The following EFR3B variants were observed in gnomAD, a reference collection of about 807,000 sequenced individuals.
EFR3B encodes the protein protein EFR3 homolog B.
In EFR3B, 64 loss-of-function variants were observed where a neutral mutation model predicts 104.7. The observed-to-expected ratio is 0.61, with a 90% CI of 0.50 to 0.75. The LOEUF is 0.75. Among genes scored for constraint, EFR3B ranks in the 30% least tolerant of loss-of-function variants. The pLI is 0.00. For missense variants in EFR3B, 750 were observed against 1,078.5 expected, an observed-to-expected ratio of 0.70 and a Z score of 4.27; for synonymous variants, 385 against 417.9, an observed-to-expected ratio of 0.92 and a Z score of 0.96.
rs1414355344 is a variant in EFR3B at position 25,143,753 on chromosome 2, T to C, written c.1941T>C (p.Asp647=). ...CTTCCAGGCTGTCTCAGAATCTTGA[T>C]GGGGTGGTCATTGAGCTCCTCTTCC... ...VERPRLSQNL[D]GVVIELLFRQ... The change falls in exon 18 of 23, where the codon GAT becomes GAC. Residue 647 remains aspartate (D), a synonymous_variant. Coordinates refer to ENST00000403714, the MANE Select transcript of EFR3B (RefSeq NM_014971.2). 2.1e-5 allele frequency: 32 copies of C among 1,551,338 alleles called. No homozygotes were observed. The highest frequency in any genetic ancestry group is 2.4e-5 in the Non-Finnish European group (28 of 1,146,948).
At chr2:25,125,972 C>T (rs1021816416) in intron 5 of EFR3B, among the ~76,000 whole-genome samples, 1 of 152,144 alleles carries the variant, frequency 6.6e-6, no homozygotes, top group African/African-American at 2.4e-5. Context: ...GGCAACTCAA[C>T]CTTGAGAAAA....
chr2:25,085,926 A>G (rs943973725), intron 1 of EFR3B, among the ~76,000 whole-genome samples: 2 of 151,798 alleles, frequency 1.3e-5, no homozygotes, highest in African/African-American at 2.4e-5. Context: ...GTTTCATGGA[A>G]CACAGTTTGG....
At chr2:25,051,914 G>A (rs570103860) in intron 1 of EFR3B, among the ~76,000 whole-genome samples, 259 of 150,546 alleles carry the variant, frequency 1.7e-3, no homozygotes, top group Non-Finnish European at 2.8e-3. Context: ...TGCTGGGATT[G>A]GCTGGGTTCG....
In EFR3B at chr2:25,130,521, T is replaced by G; in HGVS notation, c.771-31T>G. 1 of 1,528,694 alleles carries G rather than the reference T, an allele frequency of 6.5e-7. No homozygotes were observed. 94.7% of individuals were successfully genotyped at this position (1,528,694 alleles called of 1,614,324 possible). ...CTCCCTAACACTGCCGGGAGTTTCA[T>G]AGTTGTTCCCCCACGTTTTCTCCCT... is the stretch of plus-strand genomic sequence containing the variant. On this transcript the variant is annotated intron_variant, in intron 7 of 22. Coordinates refer to ENST00000403714, the MANE Select transcript of EFR3B (RefSeq NM_014971.2). The surrounding 1 kb of genome is among the most constrained non-coding windows in gnomAD (Gnocchi z 4.6).
At chr2:25,141,849 A>G (rs1187096399) in intron 17 of EFR3B, among the ~76,000 whole-genome samples, 1 of 152,258 alleles carries the variant, frequency 6.6e-6, no homozygotes, top group Non-Finnish European at 1.5e-5. Context: ...GTCTAACAGT[A>G]GGGGATGGCT....
intron 3 of EFR3B, among the ~76,000 whole-genome samples, chr2:25,098,469 G>T (rs1669342756): frequency 1.3e-5 from 2 of 152,136 alleles, no homozygotes; most frequent in African/African-American, 4.8e-5. Flanking sequence ...ACCCGCCCCA[G>T]ATCAGATCTC....
chr2:25,079,751 A>T (rs1459747211), intron 1 of EFR3B: 1 of 524,352 alleles, frequency 1.9e-6, no homozygotes. Context: ...CTATAAATAG[A>T]ATTAAATGCA....
Position 25,042,347 on chromosome 2 carries a change from G to T in EFR3B, c.7+28G>T. 1 of 1,257,498 alleles carries T rather than the reference G, an allele frequency of 8.0e-7. No homozygotes were observed. The allele number at this position is 1,257,498 out of a possible 1,614,324, so 77.9% of individuals were successfully genotyped here. A position where few individuals can be genotyped will look rare whatever the true frequency, so the allele number is the denominator to read the frequency against. On this transcript the variant is annotated intron_variant, in intron 1 of 22. Transcript: ENST00000403714. The surrounding 1 kb of genome is among the most constrained non-coding windows in gnomAD (Gnocchi z 5.4). ...AAGGAGGGCTCCGCGCCCGGGCCCG[G>T]GCCCGCGGGGGCGACTCCGCAAACT... is the stretch of plus-strand genomic sequence containing the variant.
chr2:25,143,885 C>G, intron 18 of EFR3B, 23 bp downstream of exon 18: 1 of 1,547,342 alleles, frequency 6.5e-7, no homozygotes, highest in Non-Finnish European at 8.7e-7. Context: ...TGCAGGGATG[C>G]CCGGGCCTGC....
intron 1 of EFR3B, among the ~76,000 whole-genome samples, chr2:25,088,674 G>C (rs1357651092): frequency 6.6e-6 from 1 of 152,108 alleles, no homozygotes. Context: ...AGCCATGTGG[G>C]ATAGCCCTAG....
intron 16 of EFR3B, among the ~76,000 whole-genome samples, chr2:25,140,934 G>A (rs1412720204): frequency 1.3e-5 from 2 of 151,936 alleles, no homozygotes; most frequent in Non-Finnish European, 2.9e-5. Flanking sequence ...TCAGTTACTC[G>A]GGAGGCTGAG....
rs1670541430 is a variant in EFR3B at position 25,137,269 on chromosome 2, T to A, written c.1561-72T>A. 2 of 1,512,416 alleles carry A rather than the reference T, an allele frequency of 1.3e-6. No homozygotes were observed. The highest frequency in any genetic ancestry group is 4.9e-5 in the East Asian group (2 of 40,548). The allele number at this position is 1,512,416 out of a possible 1,614,324, so 93.7% of individuals were successfully genotyped here. ...ATCCTGCCCCCCTTCAGATTGGTCTTCCTCCGTGTTCTCCTTGCCCCTCCT... is the reference window on the plus strand; with the variant it reads ...ATCCTGCCCCCCTTCAGATTGGTCTACCTCCGTGTTCTCCTTGCCCCTCCT... On this transcript the variant is annotated intron_variant, in intron 14 of 22. Coordinates refer to ENST00000403714, the MANE Select transcript of EFR3B (RefSeq NM_014971.2). This position sits in a 1 kb window ranked among gnomAD's most constrained non-coding sequence, Gnocchi z 4.7.
chr2:25,121,964 GTT>G (rs143584289), intron 5 of EFR3B, among the ~76,000 whole-genome samples, 170 bp downstream of exon 5: 3 of 141,864 alleles, frequency 2.1e-5, no homozygotes, highest in Non-Finnish European at 1.5e-5. Context: ...TGTGGTTTCT[GTT>G]TTTTTTTTTT....
At chr2:25,062,559 C>T (rs1029008636) in intron 1 of EFR3B, among the ~76,000 whole-genome samples, 6 of 152,342 alleles carry the variant, frequency 3.9e-5, no homozygotes, top group Admixed American at 3.9e-4. Flanking sequence ...AGGGCCTGTG[C>T]CAGCCCGCAC....
intron 22 of EFR3B, 144 bp downstream of exon 22, chr2:25,153,905 C>A: frequency 2.3e-6 from 2 of 887,918 alleles, no homozygotes; most frequent in Non-Finnish European, 3.6e-6. Flanking sequence ...GGGCTGGAGT[C>A]AGCCACCAAC....
At chr2:25,094,643 G>C (rs539919686) in intron 3 of EFR3B, among the ~76,000 whole-genome samples, 1 of 152,278 alleles carries the variant, frequency 6.6e-6, no homozygotes, top group Non-Finnish European at 1.5e-5. Flanking sequence ...TTCTTTTCTA[G>C]AAAGAGTACA....
rs1667593657 is a variant in EFR3B at position 25,042,283 on chromosome 2, G to C, written c.-30G>C. The C allele has an allele frequency of 1.5e-6, 2 of 1,305,280 alleles. No individual in the cohort carries two copies. Among genetic ancestry groups the C allele is most frequent in the Non-Finnish European group, 1.9e-6 (2 of 1,028,348 alleles). The allele number at this position is 1,305,280 out of a possible 1,614,324, so 80.9% of individuals were successfully genotyped here. On this transcript the variant is annotated 5_prime_UTR_variant, in exon 1 of 23. Transcript: ENST00000403714. The surrounding 1 kb of genome is among the most constrained non-coding windows in gnomAD (Gnocchi z 5.4). ...TGGCTGGGAACGCCGCAGCGACGCC[G>C]GCCTCTCGAGAGGCGCGCGCCCCGC...
rs1326570473 is a variant in EFR3B, at chr2:25,131,390, T to G, written c.872T>G (p.Ile291Ser). 1 of 1,550,910 alleles carries G rather than the reference T, an allele frequency of 6.4e-7. No individual in the cohort carries two copies. Among genetic ancestry groups the G allele is most frequent in the South Asian group, 1.2e-5 (1 of 84,034 alleles). Residue 291 changes from isoleucine to serine, a missense_variant, in exon 9 of 23, where the codon ATC (isoleucine) becomes AGC (serine). Physicochemically the swap from Ile to Ser is moderately radical, Grantham distance 142. Transcript: ENST00000403714. The surrounding 1 kb of genome is among the most constrained non-coding windows in gnomAD (Gnocchi z 7.6). ...CAGCCGCAGCACTCACACCTGGTCA[T>G]CCAGCAGCTCCTGGGCCACCTGGAC... ...SIQPQHSHLV[I>S]QQLLGHLDAN...
intron 1 of EFR3B, among the ~76,000 whole-genome samples, chr2:25,059,994 C>G (rs112676652): frequency 6.6e-6 from 1 of 151,018 alleles, no homozygotes; most frequent in South Asian, 2.1e-4. Flanking sequence ...GTCAGGAATT[C>G]GAGACCAGCC....
Sources: gnomAD v4.1 joint callset for allele counts (sites outside exome capture counted in the v4.1 genomes callset) on GRCh38, gnomAD v4.1.1 for gene constraint, Gnocchi (gnomAD v3.1) non-coding constraint, MANE v1.5 for transcripts, NCBI Gene and HGNC (gene_info 2026-07-23, HGNC 2026-07-21) for gene names.